Variants in LGI1 observed in about 807,000 individuals in gnomAD.
LGI1 encodes the protein leucine rich glioma inactivated 1.
Under a neutral mutation model 57.7 loss-of-function variants are expected in LGI1, and 11 were observed. That is an observed-to-expected ratio of 0.19 (90% confidence interval 0.12 to 0.32). LGI1 has a LOEUF of 0.32. LGI1 is among the 10% of genes least tolerant of loss of function. The probability of loss-of-function intolerance (pLI) is 1.00; values close to 1 mark genes in which losing one functional copy is unlikely to be tolerated. For synonymous variants in LGI1, 222 were observed against 241.9 expected (o/e 0.92, Z 0.76); for missense variants, 422 against 661.9 (o/e 0.64, Z 3.98).
intron 2 of LGI1, among the ~76,000 whole-genome samples, chr10:93,774,621 C>T (rs1239374362): frequency 1.3e-5 from 2 of 152,166 alleles, no homozygotes; most frequent in East Asian, 3.9e-4. Flanking sequence ...AACCAGGCTA[C>T]TTGGGCCATG....
At chr10:93,760,987 C>T (rs944654238) in intron 2 of LGI1, among the ~76,000 whole-genome samples, 2 of 152,158 alleles carry the variant, frequency 1.3e-5, no homozygotes, top group African/African-American at 4.8e-5. Context: ...TCCCTAATCT[C>T]CAGGACCCTG....
At chr10:93,777,307 TGA>T in intron 2 of LGI1, 70 bp from the exon 3 acceptor site, 2 of 1,354,190 alleles carry the variant, frequency 1.5e-6, no homozygotes, top group East Asian at 2.3e-5. Flanking sequence ...CTCATTTTTC[TGA>T]GAGATAAAAG....
In LGI1 at chr10:93,758,439, G is replaced by A. The variant is rs544579648; in HGVS notation, c.215+80G>A. ...TGGATTTGGGGCTTTGCATGTATTT[G>A]TAGAAGGGCATGGAGAGAGAGATTC... On this transcript the variant is annotated intron_variant, in intron 1 of 7. Transcript: ENST00000371418. The surrounding 1 kb of genome is among the most constrained non-coding windows in gnomAD (Gnocchi z 4.7). 1.5e-6 allele frequency: 2 copies of A among 1,312,624 alleles called. No homozygotes were observed. The highest frequency in any genetic ancestry group is 3.4e-5 in the Admixed American group (2 of 59,616). 81.3% of individuals were successfully genotyped at this position (1,312,624 alleles called of 1,614,324 possible).
intron 7 of LGI1, 71 bp downstream of exon 7, chr10:93,793,421 A>G (rs2059953023): frequency 7.7e-7 from 1 of 1,294,950 alleles, no homozygotes. Context: ...AGGAAAGATG[A>G]GTGGTATAGG....
intron 7 of LGI1, among the ~76,000 whole-genome samples, chr10:93,796,651 A>T (rs1248040255): frequency 6.6e-6 from 1 of 152,254 alleles, no homozygotes; most frequent in Non-Finnish European, 1.5e-5. Flanking sequence ...CATTTGTGTC[A>T]GGGAAACTAA....
chr10:93,794,384 G>A (rs11187669), intron 7 of LGI1, among the ~76,000 whole-genome samples: 1 of 85,260 alleles, frequency 1.2e-5, no homozygotes, highest in Non-Finnish European at 2.5e-5. Flanking sequence ...TTTTTTTTGA[G>A]ATGGAGTCTT....
rs543092623 is a variant in LGI1, at chr10:93,764,647, G to C, written c.287+5816G>C. On this transcript the variant is annotated intron_variant, in intron 2 of 7. Coordinates refer to ENST00000371418, the MANE Select transcript of LGI1 (RefSeq NM_005097.4). ...CTGCTTCTTCCTAGTTGTATGATTT[G>C]GGGCAAGCTTAATCAAGTCTTGATA... 5 of 152,262 alleles carry C rather than the reference G, an allele frequency of 3.3e-5. No homozygotes were observed. In the South Asian group the frequency reaches 1.0e-3, roughly 32 times the overall value. The allele number at this position is 152,262 out of a possible 1,614,324, so 9.4% of individuals were successfully genotyped here.
At chr10:93,791,850 T>C (rs2059940259) in intron 5 of LGI1, 1 of 152,210 alleles carries the variant, frequency 6.6e-6, no homozygotes, top group African/African-American at 2.4e-5. Flanking sequence ...TCATTTCCTA[T>C]TTAAACTGAA....
In LGI1 at chr10:93,798,079, A is replaced by G; in HGVS notation, c.*276A>G. ...ATGGTATCTGTTACTCCAAAAAGAAATATTAATATGTACTTTTCCATTTAT... is the reference window on the plus strand; with the variant it reads ...ATGGTATCTGTTACTCCAAAAAGAAGTATTAATATGTACTTTTCCATTTAT... On this transcript the variant is annotated 3_prime_UTR_variant, in exon 8 of 8. Transcript: ENST00000371418. 2.1e-6 allele frequency: 1 copy of G among 467,228 alleles called. No homozygotes were observed. Among genetic ancestry groups the G allele is most frequent in the South Asian group, 2.6e-5 (1 of 39,028 alleles). The allele number at this position is 467,228 out of a possible 1,614,324, so 28.9% of individuals were successfully genotyped here.
Position 93,758,743 on chromosome 10 carries a change from T to C in LGI1, c.216-17T>C. On this transcript the variant is annotated splice_polypyrimidine_tract_variant and intron_variant, in intron 1 of 7. Coordinates refer to ENST00000371418, the MANE Select transcript of LGI1 (RefSeq NM_005097.4). The surrounding 1 kb of genome is among the most constrained non-coding windows in gnomAD (Gnocchi z 4.7). ...GTGTGTCTGTTTGTTTGTTTTCTCT[T>C]TTTTGTTTTCTTTCAGATCCTTTGT... 2 of 1,595,912 alleles carry C rather than the reference T, an allele frequency of 1.3e-6. No homozygotes were observed. Among genetic ancestry groups the C allele is most frequent in the South Asian group, 1.1e-5 (1 of 90,690 alleles).
At chr10:93,789,831 C>T in intron 4 of LGI1, 1 of 422,556 alleles carries the variant, frequency 2.4e-6, no homozygotes, top group East Asian at 4.2e-5. Context: ...GAGGTCACAC[C>T]ACTTCACTCC....
chr10:93,777,693 C>G (rs888009337), intron 4 of LGI1, 76 bp downstream of exon 4: 1 of 1,134,664 alleles, frequency 8.8e-7, no homozygotes, highest in Non-Finnish European at 1.3e-6. Context: ...GTTAATGCAC[C>G]TACTTTATGA....
At chr10:93,785,075 A>G (rs538768575) in intron 4 of LGI1, among the ~76,000 whole-genome samples, 2 of 152,104 alleles carry the variant, frequency 1.3e-5, no homozygotes, top group African/African-American at 2.4e-5. Flanking sequence ...TTCCATATAT[A>G]TGTGCATATG....
Position 93,798,017 on chromosome 10 carries a change from C to T in LGI1, c.*214C>T. On this transcript the variant is annotated 3_prime_UTR_variant, in exon 8 of 8. Coordinates refer to ENST00000371418, the MANE Select transcript of LGI1 (RefSeq NM_005097.4). ...TATAAGACAAAATTTAATTGTGTAA[C>T]TGTTCTTTGCAGTGAAGATGTGTAA... The T allele has an allele frequency of 1.7e-6, 1 of 593,486 alleles. No homozygotes were observed. 36.8% of individuals were successfully genotyped at this position (593,486 alleles called of 1,614,324 possible). A position where few individuals can be genotyped will look rare whatever the true frequency, so the allele number is the denominator to read the frequency against.
intron 2 of LGI1, among the ~76,000 whole-genome samples, chr10:93,775,522 G>T (rs11187658): frequency 3.9e-5 from 6 of 152,112 alleles, no homozygotes; most frequent in Admixed American, 3.9e-4. Flanking sequence ...CAGTAGTCTC[G>T]TAATGATCAG....
At chr10:93,761,846 C>T (rs2059627095) in intron 2 of LGI1, among the ~76,000 whole-genome samples, 1 of 151,746 alleles carries the variant, frequency 6.6e-6, no homozygotes, top group Non-Finnish European at 1.5e-5. Context: ...TACATAGGGC[C>T]AGTTTCGAAA....
chr10:93,766,574 G>A (rs1459175095), intron 2 of LGI1, among the ~76,000 whole-genome samples: 6 of 130,968 alleles, frequency 4.6e-5, no homozygotes, highest in Non-Finnish European at 7.7e-5. Context: ...GCGCGATCTC[G>A]GCTCACTGCA....
chr10:93,780,712 C>T (rs551585352), intron 4 of LGI1, among the ~76,000 whole-genome samples: 2 of 152,184 alleles, frequency 1.3e-5, no homozygotes, highest in Non-Finnish European at 2.9e-5. Flanking sequence ...TTTGATGAGA[C>T]GTCCAGTGCT....
chr10:93,778,541 T>G (rs1335762710), intron 4 of LGI1, among the ~76,000 whole-genome samples: 2 of 152,130 alleles, frequency 1.3e-5, no homozygotes, highest in African/African-American at 4.8e-5. Context: ...GGCACAATAA[T>G]CCCTGTTTCA....
Sources: allele counts gnomAD v4.1 joint callset (sites outside exome capture counted in the v4.1 genomes callset), GRCh38; gene constraint gnomAD v4.1.1; non-coding constraint Gnocchi (gnomAD v3.1); transcripts MANE v1.5; gene names NCBI Gene and HGNC (gene_info 2026-07-23, HGNC 2026-07-21).